PPP2R3B: variants seen among roughly 807,000 people sequenced by gnomAD.
The protein encoded by PPP2R3B is protein phosphatase 2 regulatory subunit B''beta.
Under a neutral mutation model 72.9 loss-of-function variants are expected in PPP2R3B, and 68 were observed. The ratio of observed to expected loss-of-function variants is 0.93; its 90% CI spans 0.77 to 1.14. PPP2R3B has a LOEUF of 1.14. Ranked by LOEUF, PPP2R3B falls within the 50% of genes most tolerant of loss-of-function variation. PPP2R3B has a pLI of 0.00. For missense variants in PPP2R3B, 1,018 were observed against 842.0 expected, an observed-to-expected ratio of 1.21 and a Z score of -2.59; for synonymous variants, 466 against 375.8, an observed-to-expected ratio of 1.24 and a Z score of -2.78.
intron 1 of PPP2R3B, among the ~76,000 whole-genome samples, chrX:380,990 C>T (rs2072112462): frequency 6.6e-6 from 1 of 150,986 alleles, no homozygotes; most frequent in Non-Finnish European, 1.5e-5. Context: ...GGCGGGAGTG[C>T]ACTGGCACAA....
chrX:361,580 C>A lies in PPP2R3B; in HGVS notation c.335G>T (p.Arg112Leu), dbSNP rs765653664. 1 of 1,613,916 alleles carries A rather than the reference C, an allele frequency of 6.2e-7. No homozygotes were observed. Among genetic ancestry groups the A allele is most frequent in the Admixed American group, 1.7e-5 (1 of 60,018 alleles). Reference protein sequence around the residue: ...RSAGTRVVQTRKEEPLPPATS... With the variant: ...RSAGTRVVQTLKEEPLPPATS... ...GGCCGGGGGCAGAGGCTCTTCTTTCCGTGTCTGAACCTGAAGAGTCGACAG... is the reference window on the plus strand; with the variant it reads ...GGCCGGGGGCAGAGGCTCTTCTTTCAGTGTCTGAACCTGAAGAGTCGACAG... Residue 112 changes from arginine (R) to leucine (L), a missense_variant, in exon 2 of 13, where the codon CGG becomes CTG. Coordinates refer to ENST00000390665, the MANE Select transcript of PPP2R3B (RefSeq NM_013239.5).
chrX:369,444 C>A (rs1231280516), intron 1 of PPP2R3B, among the ~76,000 whole-genome samples: 1 of 152,220 alleles, frequency 6.6e-6, no homozygotes, highest in Non-Finnish European at 1.5e-5. Flanking sequence ...CATCACAATT[C>A]CAGAAGTCAC....
intron 1 of PPP2R3B, among the ~76,000 whole-genome samples, chrX:383,831 C>A (rs1378784240): frequency 1.1e-5 from 1 of 94,462 alleles, no homozygotes; most frequent in South Asian, 3.6e-4. Flanking sequence ...GAGCGAGACT[C>A]CGTCTCAAAA....
chrX:358,762 C>T (rs1279910139), intron 2 of PPP2R3B, among the ~76,000 whole-genome samples: 1 of 151,172 alleles, frequency 6.6e-6, no homozygotes, highest in African/African-American at 2.4e-5. Flanking sequence ...ACATGAGAAC[C>T]AGGCGCCGAG....
At position 338,516 on chromosome X, in the gene PPP2R3B, A is replaced by ACT. The variant is rs1335060344; in HGVS notation, c.1577+87_1577+88insAG. 14 of 1,240,208 alleles carry ACT rather than the reference A, an allele frequency of 1.1e-5. No individual in the cohort carries two copies. The African/African-American group carries it at 2.2e-4, about 20-fold the overall frequency. 76.8% of individuals were successfully genotyped at this position (1,240,208 alleles called of 1,614,324 possible). A position where few individuals can be genotyped will look rare whatever the true frequency, so the allele number is the denominator to read the frequency against. On this transcript the variant is annotated intron_variant, in intron 12 of 12. Transcript: ENST00000390665. ...CTGACCCCGCATCCCCCGGCTGCAC[A>ACT]CACACCCGTCCTCCCACTCACCCGT...
intron 2 of PPP2R3B, among the ~76,000 whole-genome samples, chrX:352,923 TG>T (rs1381264250): frequency 2.0e-5 from 3 of 151,222 alleles, no homozygotes; most frequent in Non-Finnish European, 2.9e-5. Flanking sequence ...GAACCAGTGG[TG>T]GGCTGTGGCT....
rs200071190 is a variant in PPP2R3B, at chrX:334,344, CGGCGGCGTTCTCGCG to C, written c.*8_*22del. On this transcript the variant is annotated 3_prime_UTR_variant, in exon 13 of 13. Coordinates refer to ENST00000390665, the MANE Select transcript of PPP2R3B (RefSeq NM_013239.5). ...TGGTGGCACGTGGGGAGCGGCCCCG[CGGCGGCGTTCTCGCG>C]GGCGGCGTCACAGCGGCTCCAGGTC... 4.1e-3 allele frequency: 5,975 copies of C among 1,464,302 alleles called. 226 individuals carry two copies. The African/African-American group carries it at 0.077, about 19-fold the overall frequency. The allele number at this position is 1,464,302 out of a possible 1,614,324, so 90.7% of individuals were successfully genotyped here. A position where few individuals can be genotyped will look rare whatever the true frequency, so the allele number is the denominator to read the frequency against.
At chrX:369,712 G>A (rs1050058989) in intron 1 of PPP2R3B, among the ~76,000 whole-genome samples, 2 of 152,246 alleles carry the variant, frequency 1.3e-5, no homozygotes, top group Non-Finnish European at 2.9e-5. Context: ...GTGACCAGCA[G>A]AAATGACCCT....
At chrX:375,696 T>C (rs1170114341) in intron 1 of PPP2R3B, among the ~76,000 whole-genome samples, 26 of 152,198 alleles carry the variant, frequency 1.7e-4, no homozygotes, top group African/African-American at 5.3e-4. Context: ...GGGAACCAGA[T>C]TGGGAGCCAA....
chrX:386,632 C>A lies in PPP2R3B; in HGVS notation c.60G>T (p.Leu20=). The A allele has an allele frequency of 6.9e-7, 1 of 1,438,890 alleles. No individual in the cohort carries two copies. The highest frequency in any genetic ancestry group is 9.1e-7 in the Non-Finnish European group (1 of 1,096,498). 89.1% of individuals were successfully genotyped at this position (1,438,890 alleles called of 1,614,324 possible). A position where few individuals can be genotyped will look rare whatever the true frequency, so the allele number is the denominator to read the frequency against. The change falls in exon 1 of 13, where the codon CTG becomes CTT. Residue 20 remains leucine, a synonymous_variant. Transcript: ENST00000390665. ...VLKMKVDELF[L]YWLSEASTQR... is the part of the protein sequence containing the mutation. ...GCGTGCTGGCCTCGCTGAGCCAGTACAGGAACAGCTCGTCCACCTTCATCT... is the reference window on the plus strand; with the variant it reads ...GCGTGCTGGCCTCGCTGAGCCAGTAAAGGAACAGCTCGTCCACCTTCATCT...
chrX:353,230 C>A (rs1157785693), intron 2 of PPP2R3B, among the ~76,000 whole-genome samples: 2 of 152,024 alleles, frequency 1.3e-5, no homozygotes, highest in Admixed American at 6.6e-5. Context: ...ACAAATTAGC[C>A]GGGTGTGGTG....
At chrX:353,596 G>A (rs752194098) in intron 2 of PPP2R3B, among the ~76,000 whole-genome samples, 26 of 152,350 alleles carry the variant, frequency 1.7e-4, no homozygotes, top group African/African-American at 5.5e-4. Context: ...GCATCCCCCC[G>A]ATGCTAAACC....
intron 12 of PPP2R3B, chrX:335,565 A>G (rs897602699): frequency 6.6e-6 from 1 of 152,210 alleles, no homozygotes; most frequent in African/African-American, 2.4e-5. Flanking sequence ...CGGGAACCCA[A>G]CGGTAACCAG....
At chrX:345,801 C>T in intron 6 of PPP2R3B, 129 bp from the exon 7 acceptor site, 3 of 287,146 alleles carry the variant, frequency 1.0e-5, no homozygotes, top group Admixed American at 6.8e-5. Flanking sequence ...GACTGGGCAG[C>T]TGGGGCCGGG....
intron 10 of PPP2R3B, among the ~76,000 whole-genome samples, chrX:340,369 A>G (rs1436320575): frequency 1.3e-5 from 2 of 151,422 alleles, no homozygotes; most frequent in African/African-American, 4.9e-5. Flanking sequence ...GCACTGTGAG[A>G]CTAGGCACCT....
At position 334,393 on chromosome X, in the gene PPP2R3B, C is replaced by G. The variant is rs151147105; in HGVS notation, c.1702G>C (p.Gly568Arg). ...CACAGCGGCTCCAGGTCCTCGTCCC[C>G]GCATGCGTACTCGTACAGGTCCACG... ...GAVDLYEYAC[G>R]DEDLEPL Residue 568 changes from glycine (G) to arginine (R), a missense_variant, in exon 13 of 13, where the codon GGG (glycine) becomes CGG (arginine). Transcript: ENST00000390665. 8 of 1,547,692 alleles carry G rather than the reference C, an allele frequency of 5.2e-6. No homozygotes were observed. Among genetic ancestry groups the G allele is most frequent in the Admixed American group, 2.0e-5 (1 of 49,048 alleles).
At chrX:347,026 G>A (rs2071233086) in intron 4 of PPP2R3B, among the ~76,000 whole-genome samples, 1 of 151,060 alleles carries the variant, frequency 6.6e-6, no homozygotes, top group Non-Finnish European at 1.5e-5. Flanking sequence ...GAGCGATGAG[G>A]TGTGCGGTGT....
chrX:370,582 T>C (rs1217785438), intron 1 of PPP2R3B, among the ~76,000 whole-genome samples: 3 of 152,168 alleles, frequency 2.0e-5, no homozygotes, highest in East Asian at 1.9e-4. Context: ...CTGAGCTTGG[T>C]CTTCTGTGTG....
At position 334,342 on chromosome X, in the gene PPP2R3B, C is replaced by CGCGGCGGCGTTCTCGCGG; in HGVS notation, c.*7_*24dup. ...GGTGGTGGCACGTGGGGAGCGGCCC[C>CGCGGCGGCGTTCTCGCGG]GCGGCGGCGTTCTCGCGGGCGGCGT... On this transcript the variant is annotated 3_prime_UTR_variant, in exon 13 of 13. Transcript: ENST00000390665. The CGCGGCGGCGTTCTCGCGG allele has an allele frequency of 3.4e-6, 5 of 1,462,172 alleles. No homozygotes were observed. The highest frequency in any genetic ancestry group is 4.5e-6 in the Non-Finnish European group (5 of 1,112,744). The allele number at this position is 1,462,172 out of a possible 1,614,324, so 90.6% of individuals were successfully genotyped here. A position where few individuals can be genotyped will look rare whatever the true frequency, so the allele number is the denominator to read the frequency against.
Sources: gnomAD v4.1 joint callset for allele counts (sites outside exome capture counted in the v4.1 genomes callset) on GRCh38, gnomAD v4.1.1 for gene constraint, MANE v1.5 for transcripts, NCBI Gene and HGNC (gene_info 2026-07-23, HGNC 2026-07-21) for gene names.